Variants in INO80 observed in about 807,000 individuals in gnomAD.
INO80 encodes the protein chromatin-remodeling ATPase INO80.
INO80 carries 20 observed loss-of-function variants against 203.4 expected under a neutral mutation model. That is an observed-to-expected ratio of 0.10 (90% CI 0.07 to 0.14). The LOEUF is 0.14. Among genes scored for constraint, INO80 ranks in the 10% least tolerant of loss-of-function variants. The pLI, the probability that INO80 is intolerant of heterozygous loss-of-function variation, is 1.00. For synonymous variants in INO80, 726 were observed against 685.2 expected, an observed-to-expected ratio of 1.06 and a Z score of -0.93; for missense variants, 1,419 against 1,914.4, an observed-to-expected ratio of 0.74 and a Z score of 4.83.
chr15:41,069,216 T>C (rs928764607), intron 14 of INO80, among the ~76,000 whole-genome samples: 1 of 152,080 alleles, frequency 6.6e-6, no homozygotes, highest in African/African-American at 2.4e-5. Context: ...ACAACCTCCC[T>C]TCACTGCAAC....
intron 24 of INO80, among the ~76,000 whole-genome samples, chr15:41,033,918 C>T (rs1225343267): frequency 2.6e-5 from 4 of 151,714 alleles, no homozygotes; most frequent in African/African-American, 4.8e-5. Flanking sequence ...AAAAATTAGC[C>T]GGGCGTGGTG....
At chr15:40,992,255 A>G (rs974135668) in intron 29 of INO80, among the ~76,000 whole-genome samples, 53 of 152,366 alleles carry the variant, frequency 3.5e-4, no homozygotes, top group Admixed American at 2.6e-3. Flanking sequence ...TTCTCACTAC[A>G]CATAAGCATT....
At chr15:40,982,304 G>T (rs1019481430) in intron 35 of INO80, among the ~76,000 whole-genome samples, 1 of 152,088 alleles carries the variant, frequency 6.6e-6, no homozygotes, top group Non-Finnish European at 1.5e-5. Context: ...GAGCCACCAC[G>T]CCCATCTAAT....
At chr15:41,109,306 T>C (rs1424080477) in intron 1 of INO80, 1 of 150,006 alleles carries the variant, frequency 6.7e-6, no homozygotes, top group Non-Finnish European at 1.5e-5. Flanking sequence ...ATACAAAAAT[T>C]AGCCAGGCAT....
At chr15:40,994,908 T>C (rs1375464663) in intron 29 of INO80, among the ~76,000 whole-genome samples, 3 of 151,900 alleles carry the variant, frequency 2.0e-5, no homozygotes, top group Non-Finnish European at 4.4e-5. Flanking sequence ...TAGGCTGGAG[T>C]GCAGTGGTGC....
chr15:41,096,263 C>T lies in INO80; in HGVS notation c.48G>A (p.Leu16=). The change falls in exon 2 of 36, where the codon CTG becomes CTA. Residue 16 remains leucine (L), a synonymous_variant. Coordinates refer to ENST00000648947, the MANE Select transcript of INO80 (RefSeq NM_017553.3). ...AGTACTGAAGATAGAGGGGCTTTGCCAGCTCAGTGCAGCCTCCATCATCCC... is the reference window on the plus strand; with the variant it reads ...AGTACTGAAGATAGAGGGGCTTTGCTAGCTCAGTGCAGCCTCCATCATCCC... The part of the protein sequence containing the change: ...GARDDGGCTE[L]AKPLYLQYLE... 6.2e-7 allele frequency: 1 copy of T among 1,611,302 alleles called. No individual in the cohort carries two copies. Among genetic ancestry groups the T allele is most frequent in the Non-Finnish European group, 8.5e-7 (1 of 1,179,364 alleles).
chr15:41,090,577 A>G (rs1261785983), intron 5 of INO80, among the ~76,000 whole-genome samples: 1 of 152,172 alleles, frequency 6.6e-6, no homozygotes, highest in Non-Finnish European at 1.5e-5. Flanking sequence ...CTCTGTCCAA[A>G]AAAAAGAAAA....
chr15:41,025,732 A>AC (rs1267403997), intron 25 of INO80, among the ~76,000 whole-genome samples: 1 of 151,400 alleles, frequency 6.6e-6, no homozygotes, highest in East Asian at 1.9e-4. Flanking sequence ...AAAACAAAAA[A>AC]CCCCAACAAC....
At chr15:41,113,680 T>C (rs1211996504) in intron 1 of INO80, among the ~76,000 whole-genome samples, 1 of 152,152 alleles carries the variant, frequency 6.6e-6, no homozygotes, top group Non-Finnish European at 1.5e-5. Flanking sequence ...GGCACAATCA[T>C]AGCTCACTAG....
chr15:40,980,139 G>A lies in INO80; in HGVS notation c.*84C>T. ...CTTCTGACTCAGGATGCAAGATGCT[G>A]CACGGGGCAAGCCATCCAAAGACCA... On this transcript the variant is annotated 3_prime_UTR_variant, in exon 36 of 36. Transcript: ENST00000648947. The A allele has an allele frequency of 9.3e-7, 1 of 1,071,194 alleles. No homozygotes were observed. Among genetic ancestry groups the A allele is most frequent in the Non-Finnish European group, 1.4e-6 (1 of 706,682 alleles). The allele number at this position is 1,071,194 out of a possible 1,614,324, so 66.4% of individuals were successfully genotyped here. A position where few individuals can be genotyped will look rare whatever the true frequency, so the allele number is the denominator to read the frequency against.
Position 41,079,668 on chromosome 15 carries a change from T to C in INO80, c.1131+33A>G, listed in dbSNP as rs751958710. 5.0e-6 allele frequency: 8 copies of C among 1,591,352 alleles called. No homozygotes were observed. The Middle Eastern group carries it at 5.0e-4, about 99-fold the overall frequency. ...AATCTCTTCAAATGGCTGTAGTAAT[T>C]AGGGTTTTCAAAATGTTATGCTTTT... On this transcript the variant is annotated intron_variant, in intron 9 of 35. Coordinates refer to ENST00000648947, the MANE Select transcript of INO80 (RefSeq NM_017553.3).
chr15:40,984,673 T>TA (rs1893955114), intron 32 of INO80, among the ~76,000 whole-genome samples: 2 of 149,094 alleles, frequency 1.3e-5, no homozygotes, highest in African/African-American at 2.5e-5. Context: ...GCCACAATAA[T>TA]AGAGTTTAAA....
chr15:41,050,194 T>C, intron 19 of INO80, 92 bp from the exon 20 acceptor site: 1 of 804,374 alleles, frequency 1.2e-6, no homozygotes, highest in Non-Finnish European at 2.0e-6. Context: ...CAAACCATAT[T>C]ATGATTGAGA....
intron 12 of INO80, among the ~76,000 whole-genome samples, chr15:41,070,955 GC>G (rs1425287410): frequency 6.6e-6 from 1 of 152,220 alleles, no homozygotes; most frequent in Non-Finnish European, 1.5e-5. Context: ...TATCGCATGA[GC>G]CCAGGAGTTT....
intron 14 of INO80, among the ~76,000 whole-genome samples, chr15:41,066,822 TG>T (rs1177101366): frequency 2.9e-5 from 2 of 68,760 alleles, no homozygotes; most frequent in Admixed American, 2.4e-4. Flanking sequence ...AAGGAGAAAA[TG>T]TCTCTAAGAA....
At chr15:41,060,268 A>T (rs2045078098) in intron 14 of INO80, among the ~76,000 whole-genome samples, 1 of 152,170 alleles carries the variant, frequency 6.6e-6, no homozygotes, top group African/African-American at 2.4e-5. Flanking sequence ...TTGAGAGGGT[A>T]AGAAACTGAG....
At chr15:41,073,520 TCA>T (rs2045356362) in intron 10 of INO80, 25 bp from the exon 11 acceptor site, 2 of 1,547,324 alleles carry the variant, frequency 1.3e-6, no homozygotes, top group Non-Finnish European at 8.9e-7. Context: ...TTATGGATTA[TCA>T]CACTTTATCA....
Position 41,027,689 on chromosome 15 carries a change from G to A in INO80, c.2955C>T (p.Asp985=). The change falls in exon 25 of 36, where the codon GAC becomes GAT. Residue 985 remains aspartate (D), a synonymous_variant. Coordinates refer to ENST00000648947, the MANE Select transcript of INO80 (RefSeq NM_017553.3). ...CTGATCTCCGCTGATGGACAACCTGGTCTGAGTAGCCACTCACTGCTTTAC... is the reference window on the plus strand; with the variant it reads ...CTGATCTCCGCTGATGGACAACCTGATCTGAGTAGCCACTCACTGCTTTAC... ...SHCKAVSGYS[D]QVVHQRRSAT... is the part of the protein sequence containing the mutation. 1.9e-6 allele frequency: 3 copies of A among 1,613,256 alleles called. No individual in the cohort carries two copies. The highest frequency in any genetic ancestry group is 2.5e-6 in the Non-Finnish European group (3 of 1,179,542).
In INO80 at chr15:41,095,663, T is replaced by C; in HGVS notation, c.319A>G (p.Lys107Glu). ...TTATATAAATTCCCCTTATCACATT[T>C]TGATTCTGTATAAAGAAACACAAAG... ...SLNGVLQSES[K>E]CDKGNLYNFS... Residue 107 changes from lysine to glutamate, a missense_variant, in exon 4 of 36, where the codon AAA becomes GAA. Lys to Glu is a moderately conservative substitution (Grantham distance 56, BLOSUM62 1). Transcript: ENST00000648947. The C allele has an allele frequency of 6.2e-7, 1 of 1,610,308 alleles. No homozygotes were observed. The highest frequency in any genetic ancestry group is 8.5e-7 in the Non-Finnish European group (1 of 1,176,718).
Sources: gnomAD v4.1 joint callset for allele counts (sites outside exome capture counted in the v4.1 genomes callset) on GRCh38, gnomAD v4.1.1 for gene constraint, MANE v1.5 for transcripts, NCBI Gene and HGNC (gene_info 2026-07-23, HGNC 2026-07-21) for gene names.